Variants in MACF1 observed in about 807,000 individuals in gnomAD.
MACF1 encodes the protein microtubule actin crosslinking factor 1.
Under a neutral mutation model 854.8 loss-of-function variants are expected in MACF1, and 193 were observed. The ratio of observed to expected loss-of-function variants is 0.23; its 90% CI spans 0.20 to 0.25. The LOEUF (loss-of-function observed/expected upper bound fraction) is 0.25. Among genes scored for constraint, MACF1 ranks in the 10% least tolerant of loss-of-function variants. The probability of loss-of-function intolerance (pLI) is 1.00; values close to 1 mark genes in which losing one functional copy is unlikely to be tolerated. For missense variants in MACF1, 7,722 were observed against 8,929.1 expected (o/e 0.86, Z 5.45); for synonymous variants, 3,185 against 3,226.7 (o/e 0.99, Z 0.44).
intron 72 of MACF1, among the ~76,000 whole-genome samples, chr1:39,440,369 G>A (rs1370431349): frequency 6.6e-6 from 1 of 151,912 alleles, no homozygotes; most frequent in Non-Finnish European, 1.5e-5. Context: ...GCCTCCCAAA[G>A]TCCTGGGATT....
intron 99 of MACF1, among the ~76,000 whole-genome samples, chr1:39,482,082 T>C (rs1645021376): frequency 6.6e-6 from 1 of 152,242 alleles, no homozygotes; most frequent in South Asian, 2.1e-4. Flanking sequence ...CAAATTCTCA[T>C]ACAGTTCTGA....
intron 2 of MACF1, among the ~76,000 whole-genome samples, chr1:39,248,537 T>G (rs1645007036): frequency 6.6e-6 from 1 of 152,038 alleles, no homozygotes; most frequent in South Asian, 2.1e-4. Context: ...CTTTGAATAT[T>G]ATAATTGGAA....
At chr1:39,103,877 A>G (rs1023389871) in intron 2 of MACF1, among the ~76,000 whole-genome samples, 5 of 152,238 alleles carry the variant, frequency 3.3e-5, no homozygotes, top group African/African-American at 1.2e-4. Flanking sequence ...TGGTGTGGAA[A>G]CAACCAGCAT....
chr1:39,126,730 T>C (rs1642868923), intron 2 of MACF1, among the ~76,000 whole-genome samples: 1 of 151,718 alleles, frequency 6.6e-6, no homozygotes, highest in African/African-American at 2.4e-5. Context: ...GAGATTGCGG[T>C]GAGCCAAGAT....
Position 39,441,932 on chromosome 1 carries a change from T to A in MACF1, c.18673-20T>A, listed in dbSNP as rs1257571239. 3 of 1,588,910 alleles carry A rather than the reference T, an allele frequency of 1.9e-6. No homozygotes were observed. Among genetic ancestry groups the A allele is most frequent in the Non-Finnish European group, 2.6e-6 (3 of 1,157,654 alleles). On this transcript the variant is annotated intron_variant, in intron 74 of 100. Transcript: ENST00000564288. ...AATTCTTCTGGTTGTTTTTGACTGT[T>A]TACTTGTCTTTTGTTCTAGGCTATG... is the stretch of plus-strand genomic sequence containing the variant.
Position 39,295,869 on chromosome 1 carries a change from C to T in MACF1, c.2342C>T (p.Thr781Ile). Reference protein sequence around the residue: ...LCVEQHVKENTAYFQFFSDAR... With the variant: ...LCVEQHVKENIAYFQFFSDAR... Reference sequence around the variant, plus strand: ...GTTGAGCAGCATGTGAAAGAGAATACTGCTTATTTTCAGGTGTGATGGATT... The same window carrying T: ...GTTGAGCAGCATGTGAAAGAGAATATTGCTTATTTTCAGGTGTGATGGATT... The change falls in exon 20 of 101, where the codon ACT becomes ATT. Residue 781 changes from threonine (T) to isoleucine (I), a missense_variant. Physicochemically the swap from Thr to Ile is moderately conservative, Grantham distance 89 (BLOSUM62 -1). Coordinates refer to ENST00000564288, the MANE Select transcript of MACF1 (RefSeq NM_001394062.1). 6.2e-7 allele frequency: 1 copy of T among 1,613,852 alleles called. No individual in the cohort carries two copies. Among genetic ancestry groups the T allele is most frequent in the East Asian group, 2.2e-5 (1 of 44,868 alleles).
intron 68 of MACF1, among the ~76,000 whole-genome samples, chr1:39,433,869 C>T (rs1643917116): frequency 6.6e-6 from 1 of 152,134 alleles, no homozygotes; most frequent in Non-Finnish European, 1.5e-5. Context: ...TACCTGAGGT[C>T]AGGAGTTCGA....
intron 6 of MACF1, among the ~76,000 whole-genome samples, chr1:39,268,248 T>A (rs1218702747): frequency 6.6e-6 from 1 of 152,140 alleles, no homozygotes; most frequent in Non-Finnish European, 1.5e-5. Context: ...CCACGGCCTC[T>A]CTTCTTTTTC....
intron 2 of MACF1, among the ~76,000 whole-genome samples, chr1:39,132,915 T>G (rs758367336): frequency 2.6e-5 from 4 of 152,218 alleles, no homozygotes; most frequent in Non-Finnish European, 5.9e-5. Flanking sequence ...TGTGTCTACT[T>G]GACCTGCACT....
intron 91 of MACF1, chr1:39,459,914 C>A: frequency 9.1e-7 from 1 of 1,099,402 alleles, no homozygotes; most frequent in Non-Finnish European, 1.2e-6. Flanking sequence ...TTTTTTCCCC[C>A]ATTCCTTCTA....
At position 39,332,271 on chromosome 1, in the gene MACF1, A is replaced by G; in HGVS notation, c.5683A>G (p.Thr1895Ala). The G allele has an allele frequency of 5.0e-6, 8 of 1,613,964 alleles. No homozygotes were observed. Among genetic ancestry groups the G allele is most frequent in the African/African-American group, 1.3e-5 (1 of 75,058 alleles). Residue 1895 changes from threonine (T) to alanine (A), a missense_variant, in exon 37 of 101, where the codon ACA (threonine) becomes GCA (alanine). Thr to Ala is a moderately conservative substitution (Grantham distance 58, BLOSUM62 0). Around this residue, in one of 15 missense-constraint regions of MACF1, gnomAD observed 1,531 missense variants for 1,601.6 expected, o/e 0.96. Coordinates refer to ENST00000564288, the MANE Select transcript of MACF1 (RefSeq NM_001394062.1). Reference protein sequence around the residue: ...HIKALFLPATTEILSWKKAIE... With the variant: ...HIKALFLPATAEILSWKKAIE... ...TAAGGCTCTGTTTCTACCAGCAACC[A>G]CAGAGATTTTGTCCTGGAAGAAAGC... is the stretch of plus-strand genomic sequence containing the variant.
chr1:39,301,981 C>CTATT (rs139531559), intron 22 of MACF1, among the ~76,000 whole-genome samples: 6,800 of 150,980 alleles, frequency 0.045, 193 homozygotes, highest in Middle Eastern at 0.082. Flanking sequence ...ACCACTGTAC[C>CTATT]TATTTATTTA....
At chr1:39,411,749 T>C in intron 58 of MACF1, 1 of 1,613,948 alleles carries the variant, frequency 6.2e-7, no homozygotes, top group Non-Finnish European at 8.5e-7. Flanking sequence ...TCTGAAGGGC[T>C]GGCTGCATCC....
Position 39,295,156 on chromosome 1 carries a change from T to G in MACF1, c.2259+6T>G. ...CAGCCAAGCAGACAGTGGAGGTGTG[T>G]GACTTGAGAATGTGTGAAGGTCAAA... On this transcript the variant is annotated splice_donor_region_variant and intron_variant, in intron 19 of 100. Transcript: ENST00000564288. 6.2e-7 allele frequency: 1 copy of G among 1,610,826 alleles called. No individual in the cohort carries two copies. Among genetic ancestry groups the G allele is most frequent in the South Asian group, 1.1e-5 (1 of 91,002 alleles).
chr1:39,408,377 A>G (rs1022231110), intron 58 of MACF1, among the ~76,000 whole-genome samples: 1 of 152,220 alleles, frequency 6.6e-6, no homozygotes, highest in Non-Finnish European at 1.5e-5. Context: ...ACACCGGGAA[A>G]GTGCCGGGTT....
Position 39,361,345 on chromosome 1 carries a change from T to A in MACF1, c.12454-15T>A. The A allele has an allele frequency of 1.2e-6, 2 of 1,608,532 alleles. No individual in the cohort carries two copies. Among genetic ancestry groups the A allele is most frequent in the Non-Finnish European group, 1.7e-6 (2 of 1,175,750 alleles). The stretch of plus-strand genomic sequence containing the variant: ...TAAGTGAACCAGGAGCTGACAGACG[T>A]GTTCTTCATGACAGAAATTGAAGCA... On this transcript the variant is annotated splice_polypyrimidine_tract_variant and intron_variant, in intron 48 of 100. Coordinates refer to ENST00000564288, the MANE Select transcript of MACF1 (RefSeq NM_001394062.1).
rs543958023 is a variant in MACF1, at chr1:39,336,302, A to G, written c.9714A>G (p.Lys3238=). ...EIATQELTGE[K]FLEMANPNVA... ...CAACACAGGAACTAACTGGAGAGAA[A>G]TTTCTAGAAATGGCAAACCCTAATG... Residue 3238 remains lysine, a synonymous_variant, in exon 37 of 101, where the codon AAA becomes AAG. Transcript: ENST00000564288. 6.9e-5 allele frequency: 111 copies of G among 1,614,048 alleles called. No individual in the cohort carries two copies. The South Asian group carries it at 1.2e-3, about 17-fold the overall frequency.
At chr1:39,372,896 TTG>T (rs1221749752) in intron 52 of MACF1, 2 of 298,430 alleles carry the variant, frequency 6.7e-6, no homozygotes, top group Non-Finnish European at 1.3e-5. Context: ...TTTCCCTTTT[TTG>T]AATGTGTAAA....
At chr1:39,304,039 C>CT (rs1471344736) in intron 23 of MACF1, among the ~76,000 whole-genome samples, 29 of 147,186 alleles carry the variant, frequency 2.0e-4, no homozygotes, top group Non-Finnish European at 2.7e-4. Context: ...TTTAATTATA[C>CT]TTTAAGTTCT....
Sources: allele counts gnomAD v4.1 joint callset (sites outside exome capture counted in the v4.1 genomes callset), GRCh38; gene constraint gnomAD v4.1.1; regional missense constraint gnomAD v4.1.1; transcripts MANE v1.5; gene names NCBI Gene and HGNC (gene_info 2026-07-23, HGNC 2026-07-21).